Variants in NENF observed in about 807,000 individuals in gnomAD.
NENF encodes neudesin.
NENF carries 6 observed loss-of-function variants against 14.8 expected under a neutral mutation model. That is an observed-to-expected ratio of 0.40 (90% CI 0.22 to 0.80). The LOEUF (loss-of-function observed/expected upper bound fraction) is 0.80, where lower values mean the gene tolerates loss of function less well. Ranked by LOEUF, NENF falls within the 30% of genes least tolerant of loss-of-function variation. The pLI is 0.34. For missense variants in NENF, 184 were observed against 212.7 expected, an observed-to-expected ratio of 0.87 and a Z score of 0.84; for synonymous variants, 76 against 95.1, an observed-to-expected ratio of 0.80 and a Z score of 1.17.
At chr1:212,445,777 A>G in intron 3 of NENF, 53 bp from the exon 4 acceptor site, 1 of 1,593,968 alleles carries the variant, frequency 6.3e-7, no homozygotes, top group Non-Finnish European at 8.6e-7. Context: ...GCCAGTGCCA[A>G]ACACTATCCA....
intron 3 of NENF, 50 bp downstream of exon 3, chr1:212,444,492 C>A: frequency 1.7e-6 from 2 of 1,200,644 alleles, no homozygotes; most frequent in Non-Finnish European, 2.3e-6. Context: ...CTTGTCCATG[C>A]CTTTTTCTCT....
chr1:212,433,431 T>A lies in NENF; in HGVS notation c.177+311T>A. On this transcript the variant is annotated intron_variant, in intron 1 of 3. Coordinates refer to ENST00000366988, the MANE Select transcript of NENF (RefSeq NM_013349.5). This position sits in a 1 kb window ranked among gnomAD's most constrained non-coding sequence, Gnocchi z 5.5. ...ATGATCTGCGTACAGACCTCAGAAC[T>A]TTTTGGTTTTCATGTTAGCATCAGC... Among the ~76,000 whole-genome samples, 1 of 152,028 alleles carries A rather than the reference T, an allele frequency of 6.6e-6. No homozygotes were observed. Among genetic ancestry groups the A allele is most frequent in the East Asian group, 1.9e-4 (1 of 5,158 alleles).
chr1:212,433,073 G>C lies in NENF; in HGVS notation c.130G>C (p.Val44Leu). ...TPRPAERGPP[V>L]RLFTEEELAR... Reference sequence around the variant, plus strand: ...GCGCCCTGCCGAGCGGGGGCCCCCAGTGCGGCTTTTCACCGAGGAGGAGCT... The same window carrying C: ...GCGCCCTGCCGAGCGGGGGCCCCCACTGCGGCTTTTCACCGAGGAGGAGCT... The change falls in exon 1 of 4, where the codon GTG (valine) becomes CTG (leucine). Residue 44 changes from valine to leucine, a missense_variant. Coordinates refer to ENST00000366988, the MANE Select transcript of NENF (RefSeq NM_013349.5). The surrounding 1 kb of genome is among the most constrained non-coding windows in gnomAD (Gnocchi z 5.5). 8.4e-7 allele frequency: 1 copy of C among 1,195,854 alleles called. No individual in the cohort carries two copies. Among genetic ancestry groups the C allele is most frequent in the Non-Finnish European group, 1.0e-6 (1 of 964,404 alleles). 74.1% of individuals were successfully genotyped at this position (1,195,854 alleles called of 1,614,324 possible). A position where few individuals can be genotyped will look rare whatever the true frequency, so the allele number is the denominator to read the frequency against.
chr1:212,433,910 T>C lies in NENF; in HGVS notation c.177+790T>C, dbSNP rs560858626. ...GAACGGCATTGGGGGGAGGTCATAG[T>C]ACCATAGTATTTCAGAGCTGGCAGG... is the stretch of plus-strand genomic sequence containing the variant. On this transcript the variant is annotated intron_variant, in intron 1 of 3. Transcript: ENST00000366988. The surrounding 1 kb of genome is among the most constrained non-coding windows in gnomAD (Gnocchi z 5.5). Among the ~76,000 whole-genome samples the C allele has an allele frequency of 2.6e-5, 4 of 152,180 alleles. No individual in the cohort carries two copies. The highest frequency in any genetic ancestry group is 4.4e-5 in the Non-Finnish European group (3 of 68,042).
intron 3 of NENF, 59 bp from the exon 4 acceptor site, chr1:212,445,771 G>A (rs1662768799): frequency 1.3e-6 from 2 of 1,572,142 alleles, no homozygotes; most frequent in African/African-American, 1.4e-5. Flanking sequence ...AGAAAGGCCA[G>A]TGCCAAACAC....
At chr1:212,438,030 G>A (rs1468849535) in intron 1 of NENF, among the ~76,000 whole-genome samples, 2 of 152,136 alleles carry the variant, frequency 1.3e-5, no homozygotes, top group Non-Finnish European at 2.9e-5. Flanking sequence ...TCTCCTTGGT[G>A]CTTCTTTAGA....
intron 1 of NENF, among the ~76,000 whole-genome samples, chr1:212,438,518 T>A (rs1444467259): frequency 1.3e-5 from 2 of 152,128 alleles, no homozygotes; most frequent in Non-Finnish European, 2.9e-5. Flanking sequence ...CTTACAAGAT[T>A]ATTTTATTTT....
chr1:212,445,370 T>C (rs1199091943), intron 3 of NENF, among the ~76,000 whole-genome samples: 3 of 152,168 alleles, frequency 2.0e-5, no homozygotes, highest in Non-Finnish European at 4.4e-5. Context: ...TAAATTGAGA[T>C]GAGCCAAACT....
intron 2 of NENF, 109 bp from the exon 3 acceptor site, chr1:212,444,230 A>T (rs1662739828): frequency 1.8e-6 from 1 of 552,726 alleles, no homozygotes; most frequent in South Asian, 3.9e-5. Flanking sequence ...GTGAGCGTGG[A>T]GTCTTTTTTA....
chr1:212,446,160 C>A lies in NENF; in HGVS notation c.*154C>A, dbSNP rs974332277. 45 of 731,888 alleles carry A rather than the reference C, an allele frequency of 6.1e-5. No homozygotes were observed. The highest frequency in any genetic ancestry group is 1.4e-4 in the Admixed American group (5 of 35,012). 45.3% of individuals were successfully genotyped at this position (731,888 alleles called of 1,614,324 possible). On this transcript the variant is annotated 3_prime_UTR_variant, in exon 4 of 4. Coordinates refer to ENST00000366988, the MANE Select transcript of NENF (RefSeq NM_013349.5). ...GGAAGAGCAAATGCCTCCTGTTGTC[C>A]TTGGTCAGGGGTTCTGTCTACCTGG... is the stretch of plus-strand genomic sequence containing the variant.
intron 1 of NENF, among the ~76,000 whole-genome samples, chr1:212,437,428 T>C (rs746740767): frequency 9.2e-5 from 14 of 152,320 alleles, no homozygotes; most frequent in Non-Finnish European, 1.8e-4. Flanking sequence ...ATTGAAAACA[T>C]GTCTGACCCC....
At chr1:212,440,288 A>G (rs1477611905) in intron 1 of NENF, among the ~76,000 whole-genome samples, 1 of 151,922 alleles carries the variant, frequency 6.6e-6, no homozygotes, top group Non-Finnish European at 1.5e-5. Context: ...AGAAGTATCA[A>G]GGAGAAAGCC....
rs1662550836 is a variant in NENF at position 212,433,295 on chromosome 1, G to C, written c.177+175G>C. On this transcript the variant is annotated intron_variant, in intron 1 of 3. Transcript: ENST00000366988. The surrounding 1 kb of genome is among the most constrained non-coding windows in gnomAD (Gnocchi z 5.5). ...TCTCTAGGCCCCGAAGGATGGCCGA[G>C]GGGTGAGGACGAGTCCTCAACAGTC... Among the ~76,000 whole-genome samples the C allele has an allele frequency of 6.6e-6, 1 of 152,018 alleles. No individual in the cohort carries two copies. The highest frequency in any genetic ancestry group is 2.4e-5 in the African/African-American group (1 of 41,438).
intron 1 of NENF, among the ~76,000 whole-genome samples, chr1:212,434,043 A>G (rs191626517): frequency 6.6e-6 from 1 of 152,252 alleles, no homozygotes; most frequent in East Asian, 1.9e-4. Flanking sequence ...TGGTCTCGCT[A>G]ATTCCTGAGT....
intron 1 of NENF, among the ~76,000 whole-genome samples, chr1:212,441,232 T>C (rs938946549): frequency 2.0e-5 from 3 of 152,176 alleles, no homozygotes; most frequent in African/African-American, 7.2e-5. Flanking sequence ...ACTAATAAAA[T>C]ATAAACAGTG....
chr1:212,434,468 C>T (rs6685153), intron 1 of NENF, among the ~76,000 whole-genome samples: 8,522 of 152,188 alleles, frequency 0.056, 812 homozygotes, highest in African/African-American at 0.19. Context: ...ATGTGACCAG[C>T]CCCCAGTGAA....
In NENF at chr1:212,433,574, T is replaced by G. The variant is rs979441069; in HGVS notation, c.177+454T>G. Among the ~76,000 whole-genome samples, 1 of 152,058 alleles carries G rather than the reference T, an allele frequency of 6.6e-6. No homozygotes were observed. Among genetic ancestry groups the G allele is most frequent in the African/African-American group, 2.4e-5 (1 of 41,414 alleles). On this transcript the variant is annotated intron_variant, in intron 1 of 3. Coordinates refer to ENST00000366988, the MANE Select transcript of NENF (RefSeq NM_013349.5). The surrounding 1 kb of genome is among the most constrained non-coding windows in gnomAD (Gnocchi z 5.5). Reference sequence around the variant, plus strand: ...ACAGGTCCTGGGATAAGCCAGTCTTTGCCTGCACTTCCTTTTCCTGCCCCT... The same window carrying G: ...ACAGGTCCTGGGATAAGCCAGTCTTGGCCTGCACTTCCTTTTCCTGCCCCT...
At chr1:212,443,210 A>G (rs1034914132) in intron 2 of NENF, among the ~76,000 whole-genome samples, 1 of 152,350 alleles carries the variant, frequency 6.6e-6, no homozygotes. Context: ...TGAAGCAATG[A>G]GAGAAGTGTT....
chr1:212,437,185 A>G (rs1166865045), intron 1 of NENF, among the ~76,000 whole-genome samples: 1 of 152,154 alleles, frequency 6.6e-6, no homozygotes, highest in Non-Finnish European at 1.5e-5. Flanking sequence ...TGTTTTTCAC[A>G]AGTCATTTGA....
Sources: allele counts gnomAD v4.1 joint callset (sites outside exome capture counted in the v4.1 genomes callset), GRCh38; gene constraint gnomAD v4.1.1; non-coding constraint Gnocchi (gnomAD v3.1); transcripts MANE v1.5; gene names NCBI Gene and HGNC (gene_info 2026-07-23, HGNC 2026-07-21).